CNTNAP2: variants seen among roughly 807,000 people sequenced by gnomAD.
CNTNAP2 encodes contactin-associated protein-like 2.
In CNTNAP2, 98 loss-of-function variants were observed where a neutral mutation model predicts 155.2. The observed-to-expected ratio is 0.63, with a 90% CI of 0.54 to 0.75. The LOEUF is 0.75. Among genes scored for constraint, CNTNAP2 ranks in the 30% least tolerant of loss-of-function variants. The probability of loss-of-function intolerance (pLI) is 0.00; values close to 1 mark genes in which losing one functional copy is unlikely to be tolerated. For synonymous variants in CNTNAP2, 651 were observed against 631.2 expected, an observed-to-expected ratio of 1.03 and a Z score of -0.47; for missense variants, 1,727 against 1,688.1, an observed-to-expected ratio of 1.02 and a Z score of -0.40.
chr7:146,469,380 TAA>T (rs571664470), intron 1 of CNTNAP2, among the ~76,000 whole-genome samples: 1 of 145,576 alleles, frequency 6.9e-6, no homozygotes, highest in African/African-American at 2.5e-5. Flanking sequence ...TTGGAAGCAT[TAA>T]AAAAAAAAAA....
At chr7:148,014,967 G>T (rs1158023394) in intron 15 of CNTNAP2, among the ~76,000 whole-genome samples, 1 of 152,212 alleles carries the variant, frequency 6.6e-6, no homozygotes, top group African/African-American at 2.4e-5. Flanking sequence ...GTTCTTGTGA[G>T]AAGGATGTTA....
chr7:147,889,594 T>C (rs996633631), intron 13 of CNTNAP2, among the ~76,000 whole-genome samples: 2 of 152,294 alleles, frequency 1.3e-5, no homozygotes, highest in Middle Eastern at 3.4e-3. Context: ...GATTGAAAGA[T>C]ATAGTATTAT....
intron 21 of CNTNAP2, among the ~76,000 whole-genome samples, chr7:148,272,792 TATG>T (rs1796805185): frequency 6.6e-6 from 1 of 152,150 alleles, no homozygotes; most frequent in African/African-American, 2.4e-5. Context: ...GCCACACTAG[TATG>T]AGAATCATGT....
chr7:147,027,790 A>G (rs34046918), intron 3 of CNTNAP2, among the ~76,000 whole-genome samples: 6,767 of 152,248 alleles, frequency 0.044, 185 homozygotes, highest in African/African-American at 0.068. Context: ...AGCACCTGGG[A>G]CATTGTGAAT....
intron 11 of CNTNAP2, among the ~76,000 whole-genome samples, chr7:147,507,084 G>C (rs1385697241): frequency 2.0e-5 from 3 of 152,162 alleles, no homozygotes; most frequent in Non-Finnish European, 4.4e-5. Context: ...ACTCTCCAAA[G>C]TAGCAGCTGT....
At chr7:147,227,796 A>T (rs1803583273) in intron 8 of CNTNAP2, among the ~76,000 whole-genome samples, 1 of 152,162 alleles carries the variant, frequency 6.6e-6, no homozygotes, top group African/African-American at 2.4e-5. Context: ...TTGAATATAG[A>T]AATCTGGAAT....
intron 8 of CNTNAP2, among the ~76,000 whole-genome samples, chr7:147,263,154 C>T (rs1804529988): frequency 6.6e-6 from 1 of 152,084 alleles, no homozygotes; most frequent in Non-Finnish European, 1.5e-5. Context: ...TAAGACCAGC[C>T]TGGGCAATAT....
intron 2 of CNTNAP2, among the ~76,000 whole-genome samples, chr7:146,834,227 C>CTAAA (rs2129199290): frequency 6.6e-6 from 1 of 152,282 alleles, no homozygotes; most frequent in African/African-American, 2.4e-5. Context: ...AAACCACCCA[C>CTAAA]TAAATTCCTC....
At chr7:147,480,570 G>A (rs147083158) in intron 10 of CNTNAP2, among the ~76,000 whole-genome samples, 7 of 152,180 alleles carry the variant, frequency 4.6e-5, no homozygotes, top group Non-Finnish European at 8.8e-5. Flanking sequence ...GATTTAACTT[G>A]CTAAATGAGA....
chr7:147,440,707 A>G (rs1277696523), intron 10 of CNTNAP2, among the ~76,000 whole-genome samples: 1 of 152,108 alleles, frequency 6.6e-6, no homozygotes, highest in Non-Finnish European at 1.5e-5. Context: ...TTTCTTCTTC[A>G]CGTTCGAAGG....
chr7:147,638,581 G>A (rs1795220978), intron 12 of CNTNAP2, among the ~76,000 whole-genome samples: 2 of 152,248 alleles, frequency 1.3e-5, no homozygotes, highest in South Asian at 2.1e-4. Context: ...CATTTCAATA[G>A]CAGAGAATGC....
intron 8 of CNTNAP2, among the ~76,000 whole-genome samples, chr7:147,297,607 G>C (rs1271899932): frequency 6.6e-6 from 1 of 152,192 alleles, no homozygotes; most frequent in Admixed American, 6.5e-5. Flanking sequence ...AGGCATTCCA[G>C]ATGGTTCACA....
intron 3 of CNTNAP2, among the ~76,000 whole-genome samples, chr7:147,036,634 A>G (rs943946080): frequency 4.6e-5 from 7 of 152,166 alleles, no homozygotes; most frequent in Non-Finnish European, 8.8e-5. Flanking sequence ...TGAAATTCAC[A>G]AGTTGTTGTA....
intron 1 of CNTNAP2, among the ~76,000 whole-genome samples, chr7:146,718,511 TG>T (rs1801230647): frequency 6.6e-6 from 1 of 152,114 alleles, no homozygotes; most frequent in South Asian, 2.1e-4. Context: ...AAACCTTTTC[TG>T]TTTAATTAGA....
intron 1 of CNTNAP2, among the ~76,000 whole-genome samples, chr7:146,205,726 ATT>A (rs2116875561): frequency 6.6e-6 from 1 of 152,082 alleles, no homozygotes; most frequent in African/African-American, 2.4e-5. Flanking sequence ...TAGGATATAT[ATT>A]GTAATTATTA....
chr7:146,118,712 G>C (rs1047775175), intron 1 of CNTNAP2, among the ~76,000 whole-genome samples: 3 of 152,012 alleles, frequency 2.0e-5, no homozygotes, highest in African/African-American at 7.2e-5. Context: ...AGATAAAAAA[G>C]TTGTTATTTC....
At chr7:146,391,834 T>C (rs1186714900) in intron 1 of CNTNAP2, among the ~76,000 whole-genome samples, 1 of 152,030 alleles carries the variant, frequency 6.6e-6, no homozygotes, top group East Asian at 1.9e-4. Flanking sequence ...CTGGGACTTT[T>C]TGGAGGATAG....
At chr7:147,322,348 T>C (rs1201542984) in intron 9 of CNTNAP2, among the ~76,000 whole-genome samples, 1 of 152,222 alleles carries the variant, frequency 6.6e-6, no homozygotes, top group African/African-American at 2.4e-5. Flanking sequence ...GTAATACTCC[T>C]ATATTTGATA....
chr7:146,446,649 C>T (rs944216262), intron 1 of CNTNAP2, among the ~76,000 whole-genome samples: 6 of 152,036 alleles, frequency 3.9e-5, no homozygotes, highest in African/African-American at 1.4e-4. Flanking sequence ...GAAGGTAGCT[C>T]CCAGGTGGAT....
Sources: allele counts gnomAD v4.1 joint callset (sites outside exome capture counted in the v4.1 genomes callset), GRCh38; gene constraint gnomAD v4.1.1; transcripts MANE v1.5; gene names NCBI Gene and HGNC (gene_info 2026-07-23, HGNC 2026-07-21).